GPC5: variants seen among roughly 807,000 people sequenced by gnomAD.
The protein encoded by GPC5 is glypican 5.
In GPC5, 47 loss-of-function variants were observed where a neutral mutation model predicts 53.9. The ratio of observed to expected loss-of-function variants is 0.87; its 90% CI spans 0.69 to 1.11. The LOEUF (loss-of-function observed/expected upper bound fraction) is 1.11. Ranked by LOEUF, GPC5 falls within the 50% of genes most tolerant of loss-of-function variation. GPC5 has a pLI of 0.00. For synonymous variants in GPC5, 286 were observed against 263.3 expected, an observed-to-expected ratio of 1.09 and a Z score of -0.84; for missense variants, 748 against 713.1, an observed-to-expected ratio of 1.05 and a Z score of -0.56.
rs1404041015 is a variant in GPC5, at chr13:92,476,233, G to T, written c.1561+331244G>T. On this transcript the variant is annotated intron_variant, in intron 7 of 7. Coordinates refer to ENST00000377067, the MANE Select transcript of GPC5 (RefSeq NM_004466.6). ...ACAACCCCATCAAAAAGTGGGCAAA[G>T]GACATGAACAGACACTTCTCAAACA... Among the ~76,000 whole-genome samples the T allele has an allele frequency of 2.0e-5, 3 of 152,104 alleles. No individual in the cohort carries two copies. In the East Asian group the frequency reaches 5.8e-4, roughly 29 times the overall value.
chr13:92,381,889 T>TCATATACATCATATATATGA (rs753025655), intron 7 of GPC5, among the ~76,000 whole-genome samples: 1 of 122,178 alleles, frequency 8.2e-6, no homozygotes. Flanking sequence ...ATTATATATA[T>TCATATACATCATATATATGA]TATATATAAT....
chr13:91,431,696 C>T (rs1290617754), intron 1 of GPC5, among the ~76,000 whole-genome samples: 1 of 152,208 alleles, frequency 6.6e-6, no homozygotes, highest in African/African-American at 2.4e-5. Context: ...TGTGGGTTCA[C>T]ATTACACACA....
At chr13:91,851,950 G>A (rs945442118) in intron 5 of GPC5, among the ~76,000 whole-genome samples, 13 of 149,834 alleles carry the variant, frequency 8.7e-5, no homozygotes, top group African/African-American at 2.5e-4. Context: ...GAATAATGCC[G>A]CAATAAACAT....
At chr13:91,614,889 CAT>C (rs2139330498) in intron 2 of GPC5, among the ~76,000 whole-genome samples, 1 of 152,298 alleles carries the variant, frequency 6.6e-6, no homozygotes, top group South Asian at 2.1e-4. Context: ...CCAAGGCAAA[CAT>C]GTTTAAGTTA....
intron 5 of GPC5, among the ~76,000 whole-genome samples, chr13:91,766,846 A>G (rs745797057): frequency 3.3e-5 from 5 of 152,150 alleles, no homozygotes; most frequent in East Asian, 1.9e-4. Context: ...GGTGACAGAG[A>G]GAGACTTTAT....
chr13:91,405,866 G>A (rs1877286023), intron 1 of GPC5, among the ~76,000 whole-genome samples: 1 of 152,152 alleles, frequency 6.6e-6, no homozygotes, highest in Non-Finnish European at 1.5e-5. Context: ...GACCTCCCTA[G>A]GTTCAGGTAG....
chr13:92,101,435 T>C (rs1211155659), intron 6 of GPC5, among the ~76,000 whole-genome samples: 4 of 152,206 alleles, frequency 2.6e-5, no homozygotes, highest in Non-Finnish European at 5.9e-5. Flanking sequence ...ACACAGATTA[T>C]GTCAGTTACC....
At chr13:92,292,907 A>G (rs1049253971) in intron 7 of GPC5, among the ~76,000 whole-genome samples, 1 of 151,790 alleles carries the variant, frequency 6.6e-6, no homozygotes, top group Non-Finnish European at 1.5e-5. Context: ...TCCCAGCACC[A>G]TTTGTTGAAA....
chr13:91,855,645 G>A (rs2038959373), intron 5 of GPC5, among the ~76,000 whole-genome samples: 1 of 151,508 alleles, frequency 6.6e-6, no homozygotes, highest in African/African-American at 2.4e-5. Context: ...ATAAGAAATA[G>A]AAAGCATGAT....
chr13:92,227,894 A>C (rs2042500195), intron 7 of GPC5, among the ~76,000 whole-genome samples: 1 of 152,180 alleles, frequency 6.6e-6, no homozygotes, highest in Admixed American at 6.5e-5. Flanking sequence ...ACTGTTGAGC[A>C]GAAGCCTTAC....
At chr13:91,730,371 C>T (rs1594491370) in intron 4 of GPC5, among the ~76,000 whole-genome samples, 1 of 152,268 alleles carries the variant, frequency 6.6e-6, no homozygotes, top group Middle Eastern at 3.4e-3. Flanking sequence ...GTCTGGGCTA[C>T]CTTCTCGTGT....
Position 91,539,511 on chromosome 13 carries a change from C to T in GPC5, c.325+90589C>T, listed in dbSNP as rs150241974. 4.2e-3 allele frequency among the ~76,000 whole-genome samples: 643 copies of T among 152,238 alleles called. 18 individuals carry two copies. The highest frequency in any genetic ancestry group is 1.2e-3 in the Non-Finnish European group (82 of 68,020). ...AAATCTGCCAGGTTAGCAACATTAA[C>T]AACAAAAAGATCTTATTTCCCATCA... On this transcript the variant is annotated intron_variant, in intron 2 of 7. Coordinates refer to ENST00000377067, the MANE Select transcript of GPC5 (RefSeq NM_004466.6).
At chr13:91,560,370 G>C (rs1173427073) in intron 2 of GPC5, among the ~76,000 whole-genome samples, 1 of 152,128 alleles carries the variant, frequency 6.6e-6, no homozygotes, top group African/African-American at 2.4e-5. Context: ...CCAGACTATA[G>C]GGGATATCAC....
intron 7 of GPC5, among the ~76,000 whole-genome samples, chr13:92,322,608 C>T (rs1358641406): frequency 6.6e-6 from 1 of 152,104 alleles, no homozygotes; most frequent in Non-Finnish European, 1.5e-5. Context: ...ATGCTATGAA[C>T]ATAGTAGGCA....
intron 2 of GPC5, among the ~76,000 whole-genome samples, chr13:91,674,377 T>TTATATATA (rs576931863): frequency 6.8e-6 from 1 of 147,368 alleles, no homozygotes; most frequent in African/African-American, 2.5e-5. Flanking sequence ...CACTAACTCA[T>TTATATATA]TATATATATA....
At chr13:91,556,911 G>C (rs1024816337) in intron 2 of GPC5, among the ~76,000 whole-genome samples, 3 of 151,840 alleles carry the variant, frequency 2.0e-5, no homozygotes, top group Non-Finnish European at 4.4e-5. Flanking sequence ...CTCACAAATT[G>C]CCACTAAAGA....
At chr13:92,248,491 C>T (rs1256804470) in intron 7 of GPC5, among the ~76,000 whole-genome samples, 6 of 152,076 alleles carry the variant, frequency 3.9e-5, no homozygotes, top group African/African-American at 1.2e-4. Flanking sequence ...TAGCCTCCAG[C>T]GTCTCAGTTT....
At chr13:91,467,273 A>G (rs930121578) in intron 2 of GPC5, among the ~76,000 whole-genome samples, 3 of 152,194 alleles carry the variant, frequency 2.0e-5, no homozygotes. Context: ...ACATTAGGTG[A>G]AAAACAATAG....
chr13:91,571,791 G>A (rs1467034809), intron 2 of GPC5, among the ~76,000 whole-genome samples: 1 of 123,770 alleles, frequency 8.1e-6, no homozygotes, highest in Non-Finnish European at 1.7e-5. Flanking sequence ...ACATATACGT[G>A]TGTGTATATA....
Sources: gnomAD v4.1 joint callset for allele counts (sites outside exome capture counted in the v4.1 genomes callset) on GRCh38, gnomAD v4.1.1 for gene constraint, MANE v1.5 for transcripts, NCBI Gene and HGNC (gene_info 2026-07-23, HGNC 2026-07-21) for gene names.